Variants in MOK observed in about 807,000 individuals in gnomAD.
MOK encodes the protein MAPK/MAK/MRK overlapping kinase.
Under a neutral mutation model 54.2 loss-of-function variants are expected in MOK, and 59 were observed. The observed-to-expected ratio is 1.09, with a 90% confidence interval of 0.88 to 1.35. The LOEUF (loss-of-function observed/expected upper bound fraction) is 1.35, where lower values mean the gene tolerates loss of function less well. MOK is among the 40% of genes most tolerant of loss of function. The pLI, the probability that MOK is intolerant of heterozygous loss-of-function variation, is 0.00. For synonymous variants in MOK, 210 were observed against 202.7 expected (o/e 1.04, Z -0.31); for missense variants, 517 against 526.2 (o/e 0.98, Z 0.17).
intron 1 of MOK, among the ~76,000 whole-genome samples, chr14:102,291,441 A>G (rs1309788452): frequency 6.6e-6 from 1 of 152,214 alleles, no homozygotes; most frequent in Non-Finnish European, 1.5e-5. Flanking sequence ...AAAATTCAAC[A>G]GCCTAAACAT....
intron 2 of MOK, among the ~76,000 whole-genome samples, chr14:102,277,990 C>T (rs1597502219): frequency 6.6e-6 from 1 of 152,124 alleles, no homozygotes; most frequent in African/African-American, 2.4e-5. Flanking sequence ...GTAATTAGAG[C>T]ACATGGCATT....
rs1437171313 is a variant in MOK, at chr14:102,238,629, CATTACT to C, written c.591-4846_591-4841del. On this transcript the variant is annotated intron_variant, in intron 7 of 11. Transcript: ENST00000361847. This position sits in a 1 kb window ranked among gnomAD's most constrained non-coding sequence, Gnocchi z 4.8. The stretch of plus-strand genomic sequence containing the variant: ...TCAGTACCCCCCACTGAAAAAGCCT[CATTACT>C]ATAACAAGGAGCCTTCCTCCAGGGG... Among the ~76,000 whole-genome samples, 3 of 152,100 alleles carry C rather than the reference CATTACT, an allele frequency of 2.0e-5. No individual in the cohort carries two copies. The highest frequency in any genetic ancestry group is 7.2e-5 in the African/African-American group (3 of 41,402).
chr14:102,216,881 C>T, the MOK span, among the ~76,000 whole-genome samples: 15 of 152,158 alleles, frequency 9.9e-5, no homozygotes, highest in South Asian at 2.1e-4. Context: ...TGCAATGAGT[C>T]GAGATGGCGC....
In MOK at chr14:102,232,267, T is replaced by C. The variant is rs1371607913; in HGVS notation, c.866+268A>G. ...CACCAGGCTCTTCTAGAAGGATTAC[T>C]ACCTGTAGCCTTGGCATCAACCGCA... On this transcript the variant is annotated intron_variant, in intron 9 of 11. Transcript: ENST00000361847. This position sits in a 1 kb window ranked among gnomAD's most constrained non-coding sequence, Gnocchi z 5.1. 3 of 425,962 alleles carry C rather than the reference T, an allele frequency of 7.0e-6. No individual in the cohort carries two copies. Among genetic ancestry groups the C allele is most frequent in the Non-Finnish European group, 1.2e-5 (3 of 241,446 alleles). The allele number at this position is 425,962 out of a possible 1,614,324, so 26.4% of individuals were successfully genotyped here. A position where few individuals can be genotyped will look rare whatever the true frequency, so the allele number is the denominator to read the frequency against.
At chr14:102,257,856 A>C (rs930112773) in intron 4 of MOK, among the ~76,000 whole-genome samples, 1 of 152,058 alleles carries the variant, frequency 6.6e-6, no homozygotes, top group African/African-American at 2.4e-5. Context: ...ACGCACCTGT[A>C]GTCCCAGCTA....
At chr14:102,224,706 T>G (rs1327491716), downstream of MOK, 7 of 455,848 alleles carry the variant, frequency 1.5e-5, no homozygotes, top group East Asian at 2.8e-4. Flanking sequence ...GAGGAGACAT[T>G]AGTTACAGCT....
chr14:102,253,729 A>G (rs1359451481), intron 4 of MOK, among the ~76,000 whole-genome samples: 1 of 152,188 alleles, frequency 6.6e-6, no homozygotes, highest in Non-Finnish European at 1.5e-5. Flanking sequence ...GTTCCAGAAG[A>G]TGTCAATTTT....
chr14:102,238,661 G>A lies in MOK; in HGVS notation c.591-4872C>T, dbSNP rs559612607. ...ATAACAAGGAGCCTTCCTCCAGGGG[G>A]ACTGGATAGATAAGGACCAGAAGCT... On this transcript the variant is annotated intron_variant, in intron 7 of 11. Transcript: ENST00000361847. The surrounding 1 kb of genome is among the most constrained non-coding windows in gnomAD (Gnocchi z 4.8). 1.3e-3 allele frequency among the ~76,000 whole-genome samples: 197 copies of A among 152,132 alleles called. 1 individual carries two copies. The highest frequency in any genetic ancestry group is 2.2e-3 in the Admixed American group (33 of 15,266).
chr14:102,260,221 C>A (rs1159965690), intron 4 of MOK, among the ~76,000 whole-genome samples: 1 of 151,732 alleles, frequency 6.6e-6, no homozygotes, highest in Non-Finnish European at 1.5e-5. Context: ...TGGCGTGCTC[C>A]TGTAGTCCCA....
intron 4 of MOK, among the ~76,000 whole-genome samples, chr14:102,258,466 A>C (rs899676083): frequency 2.2e-5 from 3 of 137,126 alleles, no homozygotes; most frequent in African/African-American, 9.9e-5. Context: ...ATTTTGACTG[A>C]TATTCTTGAT....
At chr14:102,259,369 G>T (rs562796144) in intron 4 of MOK, among the ~76,000 whole-genome samples, 1 of 152,216 alleles carries the variant, frequency 6.6e-6, no homozygotes, top group Non-Finnish European at 1.5e-5. Context: ...ATCAATAACC[G>T]TAAATAATTA....
intron 1 of MOK, among the ~76,000 whole-genome samples, chr14:102,297,040 A>G (rs1361728754): frequency 6.6e-6 from 1 of 151,930 alleles, no homozygotes; most frequent in Non-Finnish European, 1.5e-5. Flanking sequence ...CCTGGGCAAC[A>G]CAGCGAGACT....
rs1409047569 is a variant in MOK at position 102,249,311 on chromosome 14, G to C, written c.590+1501C>G. 6.6e-6 allele frequency among the ~76,000 whole-genome samples: 1 copy of C among 152,188 alleles called. No individual in the cohort carries two copies. The highest frequency in any genetic ancestry group is 2.4e-5 in the African/African-American group (1 of 41,450). Reference sequence around the variant, plus strand: ...CCTCCCATCGGCCAAGGGGAGTTTTGCTGACAAATTCAGGGTGAGACAGGT... The same window carrying C: ...CCTCCCATCGGCCAAGGGGAGTTTTCCTGACAAATTCAGGGTGAGACAGGT... On this transcript the variant is annotated intron_variant, in intron 7 of 11. Coordinates refer to ENST00000361847, the MANE Select transcript of MOK (RefSeq NM_014226.3). The surrounding 1 kb of genome is among the most constrained non-coding windows in gnomAD (Gnocchi z 5.3).
intron 4 of MOK, among the ~76,000 whole-genome samples, chr14:102,259,235 T>C (rs1346431397): frequency 6.6e-6 from 1 of 152,204 alleles, no homozygotes; most frequent in Non-Finnish European, 1.5e-5. Context: ...TCTTATTCTT[T>C]AGTCTTTAAT....
At chr14:102,281,828 G>A (rs1245694437) in intron 2 of MOK, among the ~76,000 whole-genome samples, 2 of 152,098 alleles carry the variant, frequency 1.3e-5, no homozygotes, top group African/African-American at 2.4e-5. Flanking sequence ...GATGGAGTCG[G>A]GGAAAGATAA....
intron 4 of MOK, among the ~76,000 whole-genome samples, chr14:102,254,783 C>T (rs2066798543): frequency 6.6e-6 from 1 of 152,184 alleles, no homozygotes; most frequent in South Asian, 2.1e-4. Context: ...TGCCCCACCA[C>T]CCCCTTCTTG....
At chr14:102,302,444 C>T (rs1168890850) in intron 1 of MOK, among the ~76,000 whole-genome samples, 1 of 150,430 alleles carries the variant, frequency 6.6e-6, no homozygotes, top group Non-Finnish European at 1.5e-5. Flanking sequence ...GACGGAGTCT[C>T]TTGCTTTGTT....
Position 102,231,500 on chromosome 14 carries a change from G to A in MOK, c.981+207C>T. 2 of 516,238 alleles carry A rather than the reference G, an allele frequency of 3.9e-6. No individual in the cohort carries two copies. The highest frequency in any genetic ancestry group is 5.8e-5 in the South Asian group (2 of 34,228). The allele number at this position is 516,238 out of a possible 1,614,324, so 32.0% of individuals were successfully genotyped here. A position where few individuals can be genotyped will look rare whatever the true frequency, so the allele number is the denominator to read the frequency against. ...TTCGTCATCAATTCTTAGCTACTGGGGCAGAAAGGGCTTGAGCAAATAGAA... is the reference window on the plus strand; with the variant it reads ...TTCGTCATCAATTCTTAGCTACTGGAGCAGAAAGGGCTTGAGCAAATAGAA... On this transcript the variant is annotated intron_variant, in intron 10 of 11. Coordinates refer to ENST00000361847, the MANE Select transcript of MOK (RefSeq NM_014226.3). The surrounding 1 kb of genome is among the most constrained non-coding windows in gnomAD (Gnocchi z 4.4).
chr14:102,226,318 C>A (rs1222958381), downstream of MOK: 4 of 703,046 alleles, frequency 5.7e-6, no homozygotes, highest in South Asian at 3.0e-5. This position sits in a 1 kb window ranked among gnomAD's most constrained non-coding sequence, Gnocchi z 4.8. Context: ...GGCCGGGCAG[C>A]ATGCAGGTGC....
Sources: allele counts gnomAD v4.1 joint callset (sites outside exome capture counted in the v4.1 genomes callset), GRCh38; gene constraint gnomAD v4.1.1; non-coding constraint Gnocchi (gnomAD v3.1); transcripts MANE v1.5; gene names NCBI Gene and HGNC (gene_info 2026-07-23, HGNC 2026-07-21).